ITLN2: variants seen among roughly 807,000 people sequenced by gnomAD.
The protein encoded by ITLN2 is intelectin 2, also known as intelectin-2.
ITLN2 carries 29 observed loss-of-function variants against 39.4 expected under a neutral mutation model. The observed-to-expected ratio is 0.74, with a 90% confidence interval of 0.55 to 1.00. The LOEUF (loss-of-function observed/expected upper bound fraction) is 1.00, where lower values mean the gene tolerates loss of function less well. ITLN2 is among the 50% of genes least tolerant of loss of function. The pLI, the probability that ITLN2 is intolerant of heterozygous loss-of-function variation, is 0.00. For synonymous variants in ITLN2, 156 were observed against 153.4 expected (o/e 1.02, Z -0.12); for missense variants, 412 against 416.7 (o/e 0.99, Z 0.10).
In ITLN2 at chr1:160,950,605, G is replaced by A. The variant is rs144515661; in HGVS notation, c.548C>T (p.Thr183Ile). The A allele has an allele frequency of 6.8e-6, 11 of 1,614,124 alleles. No homozygotes were observed. Among genetic ancestry groups the A allele is most frequent in the Non-Finnish European group, 9.3e-6 (11 of 1,180,048 alleles). The change falls in exon 5 of 8, where the codon ACC (threonine) becomes ATC (isoleucine). Residue 183 changes from threonine to isoleucine, a missense_variant. Coordinates refer to ENST00000368029, the MANE Select transcript of ITLN2 (RefSeq NM_080878.3). The part of the protein sequence containing the change: ...WRNSALLRYR[T>I]NTGFLQRLGH... ...CAGTCTCTGGAGGAAGCCAGTGTTG[G>A]TGCGGTACCTCAGCAGGGCGCTGTT...
chr1:160,951,366 C>T, intron 3 of ITLN2, 76 bp from the exon 4 acceptor site: 1 of 1,514,036 alleles, frequency 6.6e-7, no homozygotes, highest in Non-Finnish European at 8.8e-7. Flanking sequence ...TAGAAAAGCC[C>T]TAGGAAGTCA....
chr1:160,951,263 T>A lies in ITLN2; in HGVS notation c.221A>T (p.Asn74Ile), dbSNP rs1671736959. 6.3e-7 allele frequency: 1 copy of A among 1,596,716 alleles called. No homozygotes were observed. Among genetic ancestry groups the A allele is most frequent in the Non-Finnish European group, 8.5e-7 (1 of 1,170,196 alleles). The change falls in exon 4 of 8, where the codon AAT becomes ATT. Residue 74 changes from asparagine (N) to isoleucine (I), a missense_variant. Transcript: ENST00000368029. ...ACAGAAGGTCTGGTAGACAACACCA[T>A]TCTTGGTGCGGAGAAAATACAGGCC... ...GDGLYFLRTK[N>I]GVVYQTFCDM...
At chr1:160,945,345 C>A in intron 7 of ITLN2, 53 bp from the exon 8 acceptor site, 1 of 1,476,302 alleles carries the variant, frequency 6.8e-7, no homozygotes, top group Non-Finnish European at 9.0e-7. Flanking sequence ...CTGCTGACAC[C>A]AGTGAGCGCA....
Position 160,951,247 on chromosome 1 carries a change from C to T in ITLN2, c.237G>A (p.Gln79=), listed in dbSNP as rs983275695. The T allele has an allele frequency of 1.2e-6, 2 of 1,608,476 alleles. No individual in the cohort carries two copies. Among genetic ancestry groups the T allele is most frequent in the Admixed American group, 1.7e-5 (1 of 59,682 alleles). ...CCCCAGAAGTCATGTCACAGAAGGT[C>T]TGGTAGACAACACCATTCTTGGTGC... The part of the protein sequence containing the change: ...FLRTKNGVVY[Q]TFCDMTSGGG... The change falls in exon 4 of 8, where the codon CAG becomes CAA. Residue 79 remains glutamine (Q), a synonymous_variant. Transcript: ENST00000368029.
rs150733274 is a variant in ITLN2, at chr1:160,947,900, G to A, written c.825+29C>T. ...TGATCTCTCTTTCTTTTCCCCACAC[G>A]TGGGCCATTGATCTCCCCAAAAACT... On this transcript the variant is annotated intron_variant, in intron 7 of 7. Transcript: ENST00000368029. The A allele has an allele frequency of 2.6e-5, 36 of 1,403,238 alleles. No homozygotes were observed. In the East Asian group the frequency reaches 6.6e-4, roughly 26 times the overall value. The allele number at this position is 1,403,238 out of a possible 1,614,324, so 86.9% of individuals were successfully genotyped here.
chr1:160,945,165 G>T lies in ITLN2; in HGVS notation c.953C>A (p.Ala318Glu). Residue 318 changes from alanine to glutamate, a missense_variant, in exon 8 of 8, where the codon GCG becomes GAG. Ala to Glu is a moderately radical substitution (Grantham distance 107). Transcript: ENST00000368029. ...KSSCSREITE[A>E]AVLLFYR ...TCATCTATAGAACAAGAGTACAGCC[G>T]CCTCCGTTATCTCCCGACTGCAGCT... The T allele has an allele frequency of 1.9e-6, 3 of 1,602,868 alleles. No homozygotes were observed. The highest frequency in any genetic ancestry group is 2.5e-6 in the Non-Finnish European group (3 of 1,177,034).
intron 7 of ITLN2, among the ~76,000 whole-genome samples, chr1:160,947,473 C>A (rs974089088): frequency 1.3e-5 from 2 of 152,202 alleles, no homozygotes; most frequent in African/African-American, 4.8e-5. Context: ...AGCACAGACC[C>A]TTTACGGGTG....
rs960991887 is a variant in ITLN2 at position 160,950,027 on chromosome 1, T to G, written c.721+19A>C. 5 of 1,610,022 alleles carry G rather than the reference T, an allele frequency of 3.1e-6. No individual in the cohort carries two copies. The highest frequency in any genetic ancestry group is 3.4e-5 in the Admixed American group (2 of 59,632). ...TACAAGAAAATATTTATGACTGGAC[T>G]TAGGGAGCAAACACTCACGTTGACC... On this transcript the variant is annotated intron_variant, in intron 6 of 7. Transcript: ENST00000368029.
In ITLN2 at chr1:160,950,181, A is replaced by G. The variant is rs536159271; in HGVS notation, c.601-15T>C. On this transcript the variant is annotated splice_polypyrimidine_tract_variant and intron_variant, in intron 5 of 7. Coordinates refer to ENST00000368029, the MANE Select transcript of ITLN2 (RefSeq NM_080878.3). ...ACTGGGTATTTCTGCAGAGACCCAG[A>G]AGAAAGGTTTTGTGAGGACAGTAGA... The G allele has an allele frequency of 6.2e-7, 1 of 1,613,684 alleles. No homozygotes were observed. The highest frequency in any genetic ancestry group is 2.2e-5 in the East Asian group (1 of 44,882).
intron 4 of ITLN2, 135 bp downstream of exon 4, chr1:160,950,908 T>C: frequency 6.5e-7 from 1 of 1,534,836 alleles, no homozygotes; most frequent in Non-Finnish European, 8.9e-7. Flanking sequence ...GAAGTTGTGA[T>C]TCAAGTCCTG....
At position 160,951,235 on chromosome 1, in the gene ITLN2, G is replaced by C; in HGVS notation, c.249C>G (p.Asp83Glu). The C allele has an allele frequency of 6.2e-7, 1 of 1,611,618 alleles. No individual in the cohort carries two copies. The highest frequency in any genetic ancestry group is 1.3e-5 in the African/African-American group (1 of 75,018). Residue 83 changes from aspartate to glutamate, a missense_variant, in exon 4 of 8, where the codon GAC (aspartate) becomes GAG (glutamate). Coordinates refer to ENST00000368029, the MANE Select transcript of ITLN2 (RefSeq NM_080878.3). The part of the protein sequence containing the change: ...KNGVVYQTFC[D>E]MTSGGGGWTL... ...TCCAGCCGCCACCCCCAGAAGTCAT[G>C]TCACAGAAGGTCTGGTAGACAACAC...
At chr1:160,952,236 C>T (rs1341286876) in intron 3 of ITLN2, among the ~76,000 whole-genome samples, 1 of 152,210 alleles carries the variant, frequency 6.6e-6, no homozygotes, top group African/African-American at 2.4e-5. Context: ...GCAGATGTCA[C>T]CTGGCCCAGT....
rs762746758 is a variant in ITLN2 at position 160,945,144 on chromosome 1, C to A, written c.974G>T (p.Arg325Ile). ...ITEAAVLLFY[R>I] is the part of the protein sequence containing the mutation. ...CTGACACCGCAGAGCTCTGTCTCATCTATAGAACAAGAGTACAGCCGCCTC... is the reference window on the plus strand; with the variant it reads ...CTGACACCGCAGAGCTCTGTCTCATATATAGAACAAGAGTACAGCCGCCTC... Residue 325 changes from arginine (R) to isoleucine (I), a missense_variant, in exon 8 of 8, where the codon AGA becomes ATA. By Grantham distance (97) the Arg-to-Ile change is moderately conservative. Coordinates refer to ENST00000368029, the MANE Select transcript of ITLN2 (RefSeq NM_080878.3). 1.3e-6 allele frequency: 2 copies of A among 1,593,030 alleles called. No homozygotes were observed. The highest frequency in any genetic ancestry group is 2.3e-5 in the East Asian group (1 of 43,498).
rs1263844933 is a variant in ITLN2 at position 160,951,160 on chromosome 1, C to T, written c.324G>A (p.Val108=). ...CCTGCTGACTGGACCAGCGATCACC[C>T]ACCGTGCACTTCCCACGCATGTCAT... The part of the protein sequence containing the change: ...HENDMRGKCT[V]GDRWSSQQGN... The change falls in exon 4 of 8, where the codon GTG becomes GTA. Residue 108 remains valine, a synonymous_variant. Coordinates refer to ENST00000368029, the MANE Select transcript of ITLN2 (RefSeq NM_080878.3). 6.2e-7 allele frequency: 1 copy of T among 1,614,188 alleles called. No individual in the cohort carries two copies. The highest frequency in any genetic ancestry group is 1.3e-5 in the African/African-American group (1 of 75,054).
chr1:160,950,997 A>C (rs1671728335), intron 4 of ITLN2, 46 bp downstream of exon 4: 4 of 1,613,590 alleles, frequency 2.5e-6, no homozygotes, highest in South Asian at 2.2e-5. Context: ...GGCCAGCCAC[A>C]CTCCACACCT....
intron 6 of ITLN2, among the ~76,000 whole-genome samples, chr1:160,948,440 C>A (rs896441278): frequency 6.6e-6 from 1 of 152,186 alleles, no homozygotes; most frequent in African/African-American, 2.4e-5. Context: ...CTGACCATCA[C>A]CTGCTTTCAT....
At chr1:160,950,275 A>T (rs909145318) in intron 5 of ITLN2, 109 bp from the exon 6 acceptor site, 2 of 1,185,802 alleles carry the variant, frequency 1.7e-6, no homozygotes, top group African/African-American at 3.0e-5. Context: ...CAATCCTCAT[A>T]ATAGTGACTG....
In ITLN2 at chr1:160,945,389, C is replaced by T. The variant is rs1215462900; in HGVS notation, c.826-97G>A. 1.9e-5 allele frequency: 22 copies of T among 1,177,620 alleles called. 1 individual carries two copies. The highest frequency in any genetic ancestry group is 8.6e-5 in the South Asian group (5 of 58,342). The allele number at this position is 1,177,620 out of a possible 1,614,324, so 72.9% of individuals were successfully genotyped here. On this transcript the variant is annotated intron_variant, in intron 7 of 7. Coordinates refer to ENST00000368029, the MANE Select transcript of ITLN2 (RefSeq NM_080878.3). ...CTCGAACTCCAGACCTCAAGTTATC[C>T]GCCTGCCTCGGCCTCCCAAAGTGCT...
At chr1:160,946,862 C>T (rs1434014459) in intron 7 of ITLN2, among the ~76,000 whole-genome samples, 2 of 151,834 alleles carry the variant, frequency 1.3e-5, no homozygotes, top group African/African-American at 4.8e-5. Context: ...TTGATACACC[C>T]CACACAGGTA....
Sources: allele counts gnomAD v4.1 joint callset (sites outside exome capture counted in the v4.1 genomes callset), GRCh38; gene constraint gnomAD v4.1.1; transcripts MANE v1.5; gene names NCBI Gene and HGNC (gene_info 2026-07-23, HGNC 2026-07-21).